SREBF2: variants seen among roughly 807,000 people sequenced by gnomAD.
The protein encoded by SREBF2 is sterol regulatory element binding transcription factor 2.
Under a neutral mutation model 113.1 loss-of-function variants are expected in SREBF2, and 55 were observed. That is an observed-to-expected ratio of 0.49 (90% CI 0.39 to 0.61). SREBF2 has a LOEUF of 0.61. SREBF2 is among the 20% of genes least tolerant of loss of function. The pLI, the probability that SREBF2 is intolerant of heterozygous loss-of-function variation, is 0.00. For synonymous variants in SREBF2, 593 were observed against 605.7 expected, an observed-to-expected ratio of 0.98 and a Z score of 0.31; for missense variants, 1,349 against 1,487.4, an observed-to-expected ratio of 0.91 and a Z score of 1.53.
chr22:41,878,855 A>G (rs1302150620), intron 9 of SREBF2: 5 of 738,092 alleles, frequency 6.8e-6, no homozygotes, highest in African/African-American at 1.8e-5. Flanking sequence ...TGCTGGGGCT[A>G]TGGGTCTCAG....
At chr22:41,859,426 A>G (rs2077005201) in intron 1 of SREBF2, among the ~76,000 whole-genome samples, 1 of 152,192 alleles carries the variant, frequency 6.6e-6, no homozygotes, top group African/African-American at 2.4e-5. Flanking sequence ...ATGTGTGTGC[A>G]CATTTTGTGC....
intron 12 of SREBF2, among the ~76,000 whole-genome samples, chr22:41,894,007 T>A (rs1487688880): frequency 6.6e-6 from 1 of 152,206 alleles, no homozygotes; most frequent in Non-Finnish European, 1.5e-5. Flanking sequence ...TTTTCTTTTT[T>A]AAATAATAAC....
In SREBF2 at chr22:41,884,908, A is replaced by C. The variant is rs760403876; in HGVS notation, c.2105A>C (p.Glu702Ala). The C allele has an allele frequency of 6.2e-7, 1 of 1,614,150 alleles. No individual in the cohort carries two copies. Among genetic ancestry groups the C allele is most frequent in the South Asian group, 1.1e-5 (1 of 91,074 alleles). ...HMALCAVNLA[E>A]CAEEKIPPST... ...GCGTTGTGTGCCGTGAACCTGGCTG[A>C]ATGTGCAGAGGAGAAGATCCCACCG... Residue 702 changes from glutamate (E) to alanine (A), a missense_variant, in exon 11 of 19, where the codon GAA becomes GCA. Physicochemically the swap from Glu to Ala is moderately radical, Grantham distance 107 (BLOSUM62 -1). This residue lies in a region of SREBF2 where 650 missense variants were observed against 644.1 expected (regional missense o/e 1.01). Transcript: ENST00000361204.
At chr22:41,852,809 G>T (rs1458487276) in intron 1 of SREBF2, among the ~76,000 whole-genome samples, 2 of 138,202 alleles carry the variant, frequency 1.4e-5, no homozygotes, top group Non-Finnish European at 3.0e-5. Flanking sequence ...AGGCTGGAGT[G>T]CAGTGGCACA....
intron 1 of SREBF2, among the ~76,000 whole-genome samples, chr22:41,865,607 T>C (rs2077067738): frequency 6.6e-6 from 1 of 152,170 alleles, no homozygotes; most frequent in Admixed American, 6.5e-5. Context: ...GGGTCCCAGC[T>C]ACTTGGAACA....
Position 41,834,708 on chromosome 22 carries a change from A to G in SREBF2, c.88+1350A>G, listed in dbSNP as rs367583416. 22 of 152,376 alleles carry G rather than the reference A, an allele frequency of 1.4e-4. No individual in the cohort carries two copies. In the East Asian group the frequency reaches 2.7e-3, roughly 19 times the overall value. 9.4% of individuals were successfully genotyped at this position (152,376 alleles called of 1,614,324 possible). A position where few individuals can be genotyped will look rare whatever the true frequency, so the allele number is the denominator to read the frequency against. ...TTTGTCCTTGATTTCCATTTTGGTCATGTGGGCAGTGTGATAAGACCCTTA... is the reference window on the plus strand; with the variant it reads ...TTTGTCCTTGATTTCCATTTTGGTCGTGTGGGCAGTGTGATAAGACCCTTA... On this transcript the variant is annotated intron_variant, in intron 1 of 18. Transcript: ENST00000361204.
At chr22:41,889,059 A>T (rs6002522) in intron 11 of SREBF2, among the ~76,000 whole-genome samples, 36,096 of 152,060 alleles carry the variant, frequency 0.24, 6,111 homozygotes, top group African/African-American at 0.48. Flanking sequence ...ATTCCCAAAC[A>T]TTCTCTACTC....
At position 41,905,526 on chromosome 22, in the gene SREBF2, TC is replaced by T; in HGVS notation, c.3296del (p.Pro1099ArgfsTer30). ...CRHLPLSFLS[S>X]PGQRAVLLAE... ...CCACCTGCCCCTCTCCTTCCTCTCC[TC>T]CCCGGGCCAGCGGGCAGTGCTGCTG... On this transcript the variant is annotated frameshift_variant, in exon 19 of 19. Coordinates refer to ENST00000361204, the MANE Select transcript of SREBF2 (RefSeq NM_004599.4). LOFTEE classifies it high-confidence loss of function. 6.3e-7 allele frequency: 1 copy of T among 1,586,120 alleles called. No individual in the cohort carries two copies. Among genetic ancestry groups the T allele is most frequent in the Admixed American group, 1.8e-5 (1 of 56,668 alleles).
chr22:41,868,940 A>G (rs746502764), intron 3 of SREBF2, 148 bp downstream of exon 3: 205 of 1,001,440 alleles, frequency 2.0e-4, no homozygotes, highest in Middle Eastern at 3.1e-4. Flanking sequence ...TGAGCAGCGT[A>G]TAGTGACCTG....
Position 41,836,923 on chromosome 22 carries a change from A to G in SREBF2, c.88+3565A>G, listed in dbSNP as rs1324948471. The stretch of plus-strand genomic sequence containing the variant: ...CATTCCACAATGTCTGCTGTGTTCC[A>G]GTCCATTGGTACCCTTCAAGGATAT... On this transcript the variant is annotated intron_variant, in intron 1 of 18. Coordinates refer to ENST00000361204, the MANE Select transcript of SREBF2 (RefSeq NM_004599.4). Among the ~76,000 whole-genome samples the G allele has an allele frequency of 4.6e-5, 7 of 152,288 alleles. No individual in the cohort carries two copies. The South Asian group carries it at 8.3e-4, about 18-fold the overall frequency.
rs1414875081 is a variant in SREBF2, at chr22:41,898,717, G to A, written c.2674G>A (p.Asp892Asn). The A allele has an allele frequency of 3.7e-6, 6 of 1,614,036 alleles. No individual in the cohort carries two copies. The African/African-American group carries it at 4.0e-5, about 11-fold the overall frequency. ...GGCCATCAGCTGGCTCCAGGGAGACGATGCAGCTGTGCGCTCTCATTTTAC... is the reference window on the plus strand; with the variant it reads ...GGCCATCAGCTGGCTCCAGGGAGACAATGCAGCTGTGCGCTCTCATTTTAC... ...TVAISWLQGDDAAVRSHFTKV... is the reference protein window; with the variant it reads ...TVAISWLQGDNAAVRSHFTKV... Residue 892 changes from aspartate to asparagine, a missense_variant, in exon 15 of 19, where the codon GAT becomes AAT. Coordinates refer to ENST00000361204, the MANE Select transcript of SREBF2 (RefSeq NM_004599.4).
At chr22:41,888,239 A>G (rs1227100388) in intron 11 of SREBF2, among the ~76,000 whole-genome samples, 1 of 152,168 alleles carries the variant, frequency 6.6e-6, no homozygotes, top group Non-Finnish European at 1.5e-5. Flanking sequence ...ATATTCTCCT[A>G]TGTTGTCTGC....
intron 1 of SREBF2, among the ~76,000 whole-genome samples, chr22:41,857,513 T>G (rs2076988513): frequency 6.6e-6 from 1 of 152,270 alleles, no homozygotes; most frequent in South Asian, 2.1e-4. Flanking sequence ...TATTTTATTA[T>G]GTAATATTCG....
At chr22:41,844,076 A>G (rs1228183237) in intron 1 of SREBF2, among the ~76,000 whole-genome samples, 2 of 138,700 alleles carry the variant, frequency 1.4e-5, no homozygotes, top group East Asian at 2.1e-4. Context: ...GTATATGTAT[A>G]TATATTTTTT....
chr22:41,840,017 T>TGGCGC (rs940105460), intron 1 of SREBF2, among the ~76,000 whole-genome samples: 1 of 147,570 alleles, frequency 6.8e-6, no homozygotes, highest in Admixed American at 6.9e-5. Flanking sequence ...TGAAGTGCAG[T>TGGCGC]GGCGCGGTCT....
intron 1 of SREBF2, among the ~76,000 whole-genome samples, chr22:41,853,130 G>A (rs1216524936): frequency 6.6e-6 from 1 of 152,194 alleles, no homozygotes; most frequent in Non-Finnish European, 1.5e-5. Flanking sequence ...ATGTAAACCA[G>A]AATGAGCAAC....
rs760455126 is a variant in SREBF2 at position 41,905,602 on chromosome 22, A to C, written c.3368A>C (p.Asn1123Thr). 1 of 1,600,414 alleles carries C rather than the reference A, an allele frequency of 6.2e-7. No individual in the cohort carries two copies. Among genetic ancestry groups the C allele is most frequent in the South Asian group, 1.1e-5 (1 of 88,636 alleles). The change falls in exon 19 of 19, where the codon AAC becomes ACC. Residue 1123 changes from asparagine (N) to threonine (T), a missense_variant. Transcript: ENST00000361204. ...AAGGTGGGCGACCGGCGCTCCTGCAACGACTGCCAGCAGATGATTGTTAAG... is the reference window on the plus strand; with the variant it reads ...AAGGTGGGCGACCGGCGCTCCTGCACCGACTGCCAGCAGATGATTGTTAAG... ...LEKVGDRRSC[N>T]DCQQMIVKLG...
At chr22:41,864,414 G>C (rs1197900073) in intron 1 of SREBF2, among the ~76,000 whole-genome samples, 1 of 145,664 alleles carries the variant, frequency 6.9e-6, no homozygotes, top group African/African-American at 2.6e-5. Flanking sequence ...TCTGCCTCCC[G>C]GGTTCACTCC....
chr22:41,873,800 C>T lies in SREBF2; in HGVS notation c.870C>T (p.Thr290=). ...CTGTGTACCTGTCCCTATTCTAGAC[C>T]CTGGTGGGCAGCAGTGGGACCATTC... is the stretch of plus-strand genomic sequence containing the variant. ...PIQTAALQVP[T]LVGSSGTILT... Residue 290 remains threonine (T), a splice_region_variant and synonymous_variant, in exon 5 of 19, where the codon ACC becomes ACT. Coordinates refer to ENST00000361204, the MANE Select transcript of SREBF2 (RefSeq NM_004599.4). The T allele has an allele frequency of 1.9e-6, 3 of 1,603,796 alleles. No homozygotes were observed. Among genetic ancestry groups the T allele is most frequent in the Non-Finnish European group, 2.6e-6 (3 of 1,174,812 alleles).
Sources: allele counts gnomAD v4.1 joint callset (sites outside exome capture counted in the v4.1 genomes callset), GRCh38; gene constraint gnomAD v4.1.1; regional missense constraint gnomAD v4.1.1; transcripts MANE v1.5; gene names NCBI Gene and HGNC (gene_info 2026-07-23, HGNC 2026-07-21).